The following PLEKHM2 variants were observed in gnomAD, a reference collection of about 807,000 sequenced individuals.
PLEKHM2 encodes the protein pleckstrin homology domain-containing family M member 2.
Under a neutral mutation model 116.3 loss-of-function variants are expected in PLEKHM2, and 77 were observed. That is an observed-to-expected ratio of 0.66 (90% CI 0.55 to 0.80). The LOEUF (loss-of-function observed/expected upper bound fraction) is 0.80. Ranked by LOEUF, PLEKHM2 falls within the 30% of genes least tolerant of loss-of-function variation. The probability of loss-of-function intolerance (pLI) is 0.00; values close to 1 mark genes in which losing one functional copy is unlikely to be tolerated. For missense variants in PLEKHM2, 1,183 were observed against 1,354.9 expected (o/e 0.87, Z 1.99); for synonymous variants, 562 against 571.0 (o/e 0.98, Z 0.22).
chr1:15,688,723 T>C (rs574321584), intron 1 of PLEKHM2, among the ~76,000 whole-genome samples: 12 of 151,980 alleles, frequency 7.9e-5, no homozygotes, highest in African/African-American at 2.9e-4. Flanking sequence ...AGGGAGCTAG[T>C]AGCAGAAACA....
chr1:15,702,313 G>A (rs533698555), intron 1 of PLEKHM2, among the ~76,000 whole-genome samples: 8 of 152,322 alleles, frequency 5.3e-5, no homozygotes, highest in South Asian at 2.1e-4. Context: ...AGTCTGGCTC[G>A]GAGGTTGAGA....
intron 1 of PLEKHM2, among the ~76,000 whole-genome samples, chr1:15,708,342 G>A (rs1031414194): frequency 5.3e-5 from 8 of 151,650 alleles, no homozygotes; most frequent in Non-Finnish European, 1.0e-4. Flanking sequence ...TCAGCCTCCC[G>A]AGTAGCTGGG....
At position 15,730,969 on chromosome 1, in the gene PLEKHM2, G is replaced by A. The variant is rs545866062; in HGVS notation, c.2400-223G>A. 5.3e-5 allele frequency among the ~76,000 whole-genome samples: 8 copies of A among 152,278 alleles called. No individual in the cohort carries two copies. In the South Asian group the frequency reaches 1.0e-3, roughly 20 times the overall value. On this transcript the variant is annotated intron_variant, in intron 15 of 19. Coordinates refer to ENST00000375799, the MANE Select transcript of PLEKHM2 (RefSeq NM_015164.4). ...GGGGAGGATGCAGGCTTGGTCCCCC[G>A]ATGAACCTTGAGCTGCGCCCCAGGT...
chr1:15,687,097 A>G (rs754891386), intron 1 of PLEKHM2, among the ~76,000 whole-genome samples: 1 of 147,660 alleles, frequency 6.8e-6, no homozygotes, highest in Non-Finnish European at 1.5e-5. Context: ...TACTTTTTGT[A>G]TTTTTTGTAG....
At chr1:15,705,221 C>T (rs1484382544) in intron 1 of PLEKHM2, among the ~76,000 whole-genome samples, 1 of 135,096 alleles carries the variant, frequency 7.4e-6, no homozygotes, top group East Asian at 2.1e-4. Flanking sequence ...ACTCTATCAC[C>T]TAGTTGGAGT....
At chr1:15,699,831 T>C (rs965008503) in intron 1 of PLEKHM2, among the ~76,000 whole-genome samples, 1 of 150,638 alleles carries the variant, frequency 6.6e-6, no homozygotes, top group Non-Finnish European at 1.5e-5. Context: ...TCTAGGAGAG[T>C]AGGCTGGGCA....
At chr1:15,724,132 G>A (rs1341798426) in intron 7 of PLEKHM2, among the ~76,000 whole-genome samples, 4 of 152,206 alleles carry the variant, frequency 2.6e-5, no homozygotes, top group African/African-American at 4.8e-5. Context: ...CTCCCCTCTC[G>A]GGGGCCGTGT....
At position 15,716,780 on chromosome 1, in the gene PLEKHM2, G is replaced by A. The variant is rs867591890; in HGVS notation, c.241G>A (p.Glu81Lys). The change falls in exon 3 of 20, where the codon GAG (glutamate) becomes AAG (lysine). Residue 81 changes from glutamate (E) to lysine (K), a missense_variant. Glu to Lys is a moderately conservative substitution (Grantham distance 56). Transcript: ENST00000375799. ...FTRREAIKQI[E>K]VLQHVATNLG... The stretch of plus-strand genomic sequence containing the variant: ...TCGGAGAGAGGCCATCAAGCAGATC[G>A]AGGTGCTGCAGCACGTGGCCACCAA... The A allele has an allele frequency of 8.3e-6, 13 of 1,574,204 alleles. No homozygotes were observed. Among genetic ancestry groups the A allele is most frequent in the African/African-American group, 5.4e-5 (4 of 74,022 alleles).
At position 15,733,894 on chromosome 1, in the gene PLEKHM2, GTC is replaced by G; in HGVS notation, c.3024_3025del (p.Cys1009ProfsTer82). The G allele has an allele frequency of 1.2e-6, 2 of 1,612,896 alleles. No homozygotes were observed. The highest frequency in any genetic ancestry group is 2.2e-5 in the South Asian group (2 of 91,082). ...CACAGCGCCTGGCAGCGGAGCGACA[GTC>G]TCTGCCGCGGCCGAGCCTCCCGAGA... On this transcript the variant is annotated frameshift_variant, in exon 20 of 20. Transcript: ENST00000375799. LOFTEE classifies it high-confidence loss of function.
intron 1 of PLEKHM2, 74 bp downstream of exon 1, chr1:15,684,692 G>C: frequency 1.3e-6 from 1 of 793,956 alleles, no homozygotes; most frequent in East Asian, 4.6e-5. Context: ...GCGCTCTCCC[G>C]GGCCGGGGCC....
chr1:15,686,658 T>TTTTC (rs1640777439), intron 1 of PLEKHM2, among the ~76,000 whole-genome samples: 1 of 149,978 alleles, frequency 6.7e-6, no homozygotes. Context: ...ATTTTTTTTT[T>TTTTC]TTTTTTTTGA....
At chr1:15,691,869 G>A (rs113988950) in intron 1 of PLEKHM2, among the ~76,000 whole-genome samples, 11 of 152,178 alleles carry the variant, frequency 7.2e-5, no homozygotes, top group African/African-American at 2.4e-4. Flanking sequence ...AGCACTTTGC[G>A]GGGCTGAGGT....
At position 15,728,660 on chromosome 1, in the gene PLEKHM2, C is replaced by T. The variant is rs1418489423; in HGVS notation, c.1922-9C>T. ...TGGGGATAATAGGCCTTGGGGTTTC[C>T]TCTCTCAGGGGCCACAGAGAAGCCA... On this transcript the variant is annotated splice_polypyrimidine_tract_variant and intron_variant, in intron 11 of 19. Coordinates refer to ENST00000375799, the MANE Select transcript of PLEKHM2 (RefSeq NM_015164.4). The surrounding 1 kb of genome is among the most constrained non-coding windows in gnomAD (Gnocchi z 5.9). The T allele has an allele frequency of 6.2e-7, 1 of 1,606,918 alleles. No individual in the cohort carries two copies. The highest frequency in any genetic ancestry group is 1.1e-5 in the South Asian group (1 of 89,754).
chr1:15,709,978 C>A (rs976634209), intron 1 of PLEKHM2, among the ~76,000 whole-genome samples: 19 of 152,060 alleles, frequency 1.2e-4, no homozygotes, highest in African/African-American at 4.6e-4. Flanking sequence ...GTAATCCTAG[C>A]ACTTTGGAGG....
chr1:15,703,426 T>C (rs2148343728), intron 1 of PLEKHM2, among the ~76,000 whole-genome samples: 1 of 152,224 alleles, frequency 6.6e-6, no homozygotes, highest in East Asian at 1.9e-4. Context: ...AACTTGCGAG[T>C]TGACAGCAGA....
chr1:15,731,106 C>T (rs892215950), intron 15 of PLEKHM2, 86 bp from the exon 16 acceptor site: 29 of 948,810 alleles, frequency 3.1e-5, no homozygotes, highest in Admixed American at 4.0e-5. Flanking sequence ...GCAGCATGTG[C>T]GTGGGAGGGG....
chr1:15,721,156 G>A lies in PLEKHM2; in HGVS notation c.653-173G>A, dbSNP rs1267874622. ...CCTGGGCCAGCGCCTGAGCTGAGAG[G>A]CAGTCAGGGCCCTAGTAAGTTTCCC... On this transcript the variant is annotated intron_variant, in intron 6 of 19. Transcript: ENST00000375799. The surrounding 1 kb of genome is among the most constrained non-coding windows in gnomAD (Gnocchi z 5.1). Among the ~76,000 whole-genome samples, 2 of 152,176 alleles carry A rather than the reference G, an allele frequency of 1.3e-5. No homozygotes were observed. The highest frequency in any genetic ancestry group is 2.9e-5 in the Non-Finnish European group (2 of 68,034).
chr1:15,721,170 A>T lies in PLEKHM2; in HGVS notation c.653-159A>T, dbSNP rs1398368031. On this transcript the variant is annotated intron_variant, in intron 6 of 19. Transcript: ENST00000375799. The surrounding 1 kb of genome is among the most constrained non-coding windows in gnomAD (Gnocchi z 5.1). ...TGAGCTGAGAGGCAGTCAGGGCCCT[A>T]GTAAGTTTCCCCAAGGTTGTTGGAT... Among the ~76,000 whole-genome samples, 1 of 152,174 alleles carries T rather than the reference A, an allele frequency of 6.6e-6. No homozygotes were observed. Among genetic ancestry groups the T allele is most frequent in the African/African-American group, 2.4e-5 (1 of 41,430 alleles).
At chr1:15,698,541 CTTTCTTTCT>C (rs1164995006) in intron 1 of PLEKHM2, among the ~76,000 whole-genome samples, 4 of 139,034 alleles carry the variant, frequency 2.9e-5, no homozygotes, top group African/African-American at 1.2e-4. Context: ...TTCTTTCTTT[CTTTCTTTCT>C]TTTTTTTTTT....
Sources: allele counts gnomAD v4.1 joint callset (sites outside exome capture counted in the v4.1 genomes callset), GRCh38; gene constraint gnomAD v4.1.1; non-coding constraint Gnocchi (gnomAD v3.1); transcripts MANE v1.5; gene names NCBI Gene and HGNC (gene_info 2026-07-23, HGNC 2026-07-21).